The following DZANK1 variants were observed in gnomAD, a reference collection of about 807,000 sequenced individuals.
The protein encoded by DZANK1 is double zinc ribbon and ankyrin repeat domains 1.
In DZANK1, 91 loss-of-function variants were observed where a neutral mutation model predicts 94.5. That is an observed-to-expected ratio of 0.96 (90% CI 0.81 to 1.15). The LOEUF (loss-of-function observed/expected upper bound fraction) is 1.15. Ranked by LOEUF, DZANK1 falls within the 50% of genes most tolerant of loss-of-function variation. The probability of loss-of-function intolerance (pLI) is 0.00; values close to 1 mark genes in which losing one functional copy is unlikely to be tolerated. For missense variants in DZANK1, 903 were observed against 916.4 expected (o/e 0.99, Z 0.19); for synonymous variants, 312 against 325.3 (o/e 0.96, Z 0.44).
At chr20:18,429,827 C>A (rs183165487) in intron 9 of DZANK1, among the ~76,000 whole-genome samples, 37 of 152,240 alleles carry the variant, frequency 2.4e-4, no homozygotes, top group Middle Eastern at 3.4e-3. Context: ...GAGCAGTGAC[C>A]ACGACCCACA....
intron 10 of DZANK1, among the ~76,000 whole-genome samples, chr20:18,421,797 C>A (rs16979098): frequency 6.6e-6 from 1 of 152,180 alleles, no homozygotes; most frequent in Non-Finnish European, 1.5e-5. Context: ...GGTGCCTCAT[C>A]CACCCTGGAG....
At chr20:18,440,168 CT>C (rs769146598) in intron 8 of DZANK1, among the ~76,000 whole-genome samples, 1 of 152,184 alleles carries the variant, frequency 6.6e-6, no homozygotes, top group Non-Finnish European at 1.5e-5. Context: ...AACTTCCAGC[CT>C]GCAGAACTAT....
intron 10 of DZANK1, among the ~76,000 whole-genome samples, chr20:18,418,721 A>C (rs1348339751): frequency 1.3e-5 from 2 of 152,254 alleles, no homozygotes; most frequent in Non-Finnish European, 2.9e-5. Context: ...TCAGATGTTG[A>C]AAGAAGCAAA....
intron 2 of DZANK1, among the ~76,000 whole-genome samples, chr20:18,461,256 C>T (rs1397056555): frequency 3.9e-5 from 6 of 152,222 alleles, no homozygotes; most frequent in Non-Finnish European, 7.3e-5. Context: ...CAAATGATGG[C>T]ATACTGTACC....
intron 8 of DZANK1, among the ~76,000 whole-genome samples, chr20:18,435,414 C>A (rs564235154): frequency 6.6e-6 from 1 of 152,152 alleles, no homozygotes; most frequent in African/African-American, 2.4e-5. Context: ...ACTGTGCAGC[C>A]ACAAAAAAGA....
intron 7 of DZANK1, among the ~76,000 whole-genome samples, chr20:18,447,589 A>G (rs770692033): frequency 6.6e-6 from 1 of 150,804 alleles, no homozygotes; most frequent in Non-Finnish European, 1.5e-5. Context: ...CAGCCTCCCA[A>G]AGTGCTGTGA....
chr20:18,458,502 T>A (rs2059366156), intron 3 of DZANK1, among the ~76,000 whole-genome samples: 1 of 152,244 alleles, frequency 6.6e-6, no homozygotes, highest in South Asian at 2.1e-4. Flanking sequence ...GAAAGTTAGC[T>A]TAAAACTTCT....
At position 18,412,563 on chromosome 20, in the gene DZANK1, T is replaced by C. The variant is rs1265156099; in HGVS notation, c.1432+83A>G. The C allele has an allele frequency of 5.1e-6, 7 of 1,374,906 alleles. No individual in the cohort carries two copies. The Admixed American group carries it at 9.4e-5, about 18-fold the overall frequency. The allele number at this position is 1,374,906 out of a possible 1,614,324, so 85.2% of individuals were successfully genotyped here. On this transcript the variant is annotated intron_variant, in intron 13 of 20. Coordinates refer to ENST00000262547, the Ensembl canonical transcript of DZANK1. ...TACTTCTTACACATACAAATAAATC[T>C]AAAAGGAAGAGAAAATGAAATGTTC...
At chr20:18,398,313 A>C (rs1600754228) in intron 14 of DZANK1, 1 of 547,844 alleles carries the variant, frequency 1.8e-6, no homozygotes, top group East Asian at 2.9e-5. Context: ...GTCTTAGGTC[A>C]GGTGCCCCAG....
intron 9 of DZANK1, among the ~76,000 whole-genome samples, chr20:18,431,917 C>T (rs2058300435): frequency 6.6e-6 from 1 of 152,176 alleles, no homozygotes; most frequent in South Asian, 2.1e-4. Flanking sequence ...CTAACTTTGT[C>T]TCACCTATGG....
intron 8 of DZANK1, among the ~76,000 whole-genome samples, chr20:18,440,746 G>A (rs2058692159): frequency 6.6e-6 from 1 of 152,126 alleles, no homozygotes; most frequent in Admixed American, 6.5e-5. Flanking sequence ...CAGACATAAG[G>A]GCAAACTACA....
At chr20:18,423,728 G>A (rs1443583326) in intron 10 of DZANK1, among the ~76,000 whole-genome samples, 1 of 152,140 alleles carries the variant, frequency 6.6e-6, no homozygotes, top group Non-Finnish European at 1.5e-5. Context: ...GGTCAAAGAA[G>A]AAATCACTGA....
At chr20:18,436,960 A>C (rs547019510) in intron 8 of DZANK1, among the ~76,000 whole-genome samples, 1 of 152,336 alleles carries the variant, frequency 6.6e-6, no homozygotes, top group East Asian at 1.9e-4. Context: ...AAATGAAGGC[A>C]AAATAAACAT....
At chr20:18,393,573 A>G in intron 17 of DZANK1, 138 bp downstream of exon 17, 4 of 597,448 alleles carry the variant, frequency 6.7e-6, no homozygotes, top group Admixed American at 3.1e-5. Flanking sequence ...AGTCTAAAGG[A>G]CAAGGATGCC....
At chr20:18,423,604 C>T (rs1288694687) in intron 10 of DZANK1, among the ~76,000 whole-genome samples, 2 of 152,092 alleles carry the variant, frequency 1.3e-5, no homozygotes, top group Non-Finnish European at 2.9e-5. Flanking sequence ...TTTAAAATAA[C>T]TGAAATTATA....
chr20:18,389,141 C>T (rs2048692524), intron 19 of DZANK1, among the ~76,000 whole-genome samples: 1 of 152,192 alleles, frequency 6.6e-6, no homozygotes, highest in South Asian at 2.1e-4. Context: ...GGTTATTGGA[C>T]AGGAGTGGAC....
At chr20:18,464,728 T>G (rs2059588047) in intron 2 of DZANK1, among the ~76,000 whole-genome samples, 1 of 132,520 alleles carries the variant, frequency 7.5e-6, no homozygotes, top group Admixed American at 9.3e-5. Flanking sequence ...TAGGCTGGAG[T>G]GCACTGGCGC....
intron 2 of DZANK1, among the ~76,000 whole-genome samples, chr20:18,464,096 T>TG (rs796170108): frequency 2.4e-4 from 36 of 151,850 alleles, no homozygotes; most frequent in African/African-American, 7.2e-4. Flanking sequence ...TTTTTTGAGA[T>TG]GGAGTCTTGT....
At chr20:18,384,227 T>G in exon 21 of DZANK1, 5 of 578,180 alleles carry the variant, frequency 8.6e-6, no homozygotes, top group Non-Finnish European at 1.4e-5. Context: ...GCCCGACTAA[T>G]TTTGTATTTT....
Sources: gnomAD v4.1 joint callset for allele counts (sites outside exome capture counted in the v4.1 genomes callset) on GRCh38, gnomAD v4.1.1 for gene constraint, MANE v1.5 for transcripts, NCBI Gene and HGNC (gene_info 2026-07-23, HGNC 2026-07-21) for gene names.